ZNF260: variants seen among roughly 807,000 people sequenced by gnomAD.
ZNF260 encodes zinc finger protein 260, also known as zfp-260.
A neutral mutation model predicts 29.3 loss-of-function variants in ZNF260; 21 were observed. The observed-to-expected ratio is 0.72, with a 90% CI of 0.51 to 1.03. ZNF260 has a LOEUF of 1.03. Among genes scored for constraint, ZNF260 ranks in the 50% least tolerant of loss-of-function variants. The probability of loss-of-function intolerance (pLI) is 0.00; values close to 1 mark genes in which losing one functional copy is unlikely to be tolerated. For missense variants in ZNF260, 465 were observed against 487.8 expected (o/e 0.95, Z 0.44); for synonymous variants, 156 against 156.8 (o/e 0.99, Z 0.04).
intron 2 of ZNF260, chr19:36,517,924 G>C (rs1437137942): frequency 6.5e-6 from 1 of 153,486 alleles, no homozygotes; most frequent in African/African-American, 2.4e-5. Context: ...TCTGCCTCCC[G>C]GGTGAAGGGA....
intron 2 of ZNF260, chr19:36,518,268 T>C (rs1159236688): frequency 6.6e-6 from 1 of 152,142 alleles, no homozygotes; most frequent in Admixed American, 6.6e-5. Context: ...CCCGCTTACA[T>C]ACACAAATTA....
chr19:36,514,965 A>G lies in ZNF260; in HGVS notation c.274T>C (p.Phe92Leu), dbSNP rs1214231944. Residue 92 changes from phenylalanine (F) to leucine (L), a missense_variant, in exon 3 of 3, where the codon TTC (phenylalanine) becomes CTC (leucine). Transcript: ENST00000523638. ...AYKCNKCGKAFSQKENFLSHQ... is the reference protein window; with the variant it reads ...AYKCNKCGKALSQKENFLSHQ... ...GAAAGGAAGTTTTCCTTCTGGCTGA[A>G]GGCTTTTCCACATTTATTACATTTA... The G allele has an allele frequency of 1.2e-6, 2 of 1,614,038 alleles. No homozygotes were observed. Among genetic ancestry groups the G allele is most frequent in the East Asian group, 4.5e-5 (2 of 44,866 alleles).
At chr19:36,521,473 C>T (rs1269211840) in intron 2 of ZNF260, among the ~76,000 whole-genome samples, 2 of 152,208 alleles carry the variant, frequency 1.3e-5, no homozygotes, top group African/African-American at 4.8e-5. Context: ...ATTCTCAGGA[C>T]CAGGTGCAGT....
Position 36,514,696 on chromosome 19 carries a change from T to C in ZNF260, c.543A>G (p.Lys181=), listed in dbSNP as rs1280608866. ...TCTTTCCAGTATGGATGTTCTGATG[T>C]TTAATGAGGTATTGCTTCTGGCTGA... ...RAFSQKQYLI[K]HQNIHTGKKP... The change falls in exon 3 of 3, where the codon AAA becomes AAG. Residue 181 remains lysine, a synonymous_variant. Coordinates refer to ENST00000523638, the MANE Select transcript of ZNF260 (RefSeq NM_001166037.2). 6.2e-7 allele frequency: 1 copy of C among 1,614,024 alleles called. No individual in the cohort carries two copies.
chr19:36,525,525 G>A lies in ZNF260; in HGVS notation c.-680-152C>T, dbSNP rs190370171. On this transcript the variant is annotated intron_variant, in intron 1 of 2. Coordinates refer to ENST00000523638, the MANE Select transcript of ZNF260 (RefSeq NM_001166037.2). ...TCAATGGCCGGGCATGGAAGCTCAC[G>A]TCTGTAATCTCAGCACCTTGGGAGG... 3.9e-5 allele frequency among the ~76,000 whole-genome samples: 6 copies of A among 152,280 alleles called. No homozygotes were observed. In the East Asian group the frequency reaches 7.7e-4, roughly 20 times the overall value.
rs1410712199 is a variant in ZNF260, at chr19:36,513,748, T to G, written c.*252A>C. ...CCAGGAACACATTAAGTAGTGTCCA[T>G]GACTAGATCCTAACTTTAATGAGTA... On this transcript the variant is annotated 3_prime_UTR_variant, in exon 3 of 3. Transcript: ENST00000523638. The G allele has an allele frequency of 1.9e-6, 1 of 530,880 alleles. No individual in the cohort carries two copies. The highest frequency in any genetic ancestry group is 3.3e-6 in the Non-Finnish European group (1 of 301,488). 32.9% of individuals were successfully genotyped at this position (530,880 alleles called of 1,614,324 possible).
At chr19:36,522,842 G>A (rs189970157) in intron 2 of ZNF260, among the ~76,000 whole-genome samples, 6 of 152,172 alleles carry the variant, frequency 3.9e-5, no homozygotes, top group Non-Finnish European at 5.9e-5. Flanking sequence ...TTCACCACAT[G>A]AGTGTTATGT....
intron 2 of ZNF260, among the ~76,000 whole-genome samples, chr19:36,520,339 G>A (rs2034622825): frequency 6.6e-6 from 1 of 151,762 alleles, no homozygotes; most frequent in Admixed American, 6.6e-5. Context: ...AAACTTAAAA[G>A]AAGTAAGAGT....
chr19:36,513,947 A>C lies in ZNF260; in HGVS notation c.*53T>G. The C allele has an allele frequency of 6.5e-7, 1 of 1,542,084 alleles. No homozygotes were observed. Among genetic ancestry groups the C allele is most frequent in the South Asian group, 1.2e-5 (1 of 82,762 alleles). ...AAAATGAATTTTCCAATACACTATT[A>C]AGTGTAAAATCTGCTGAACGTTTTG... On this transcript the variant is annotated 3_prime_UTR_variant, in exon 3 of 3. Transcript: ENST00000523638.
chr19:36,517,511 G>A (rs1030391384), intron 2 of ZNF260: 2 of 152,226 alleles, frequency 1.3e-5, no homozygotes, highest in Non-Finnish European at 2.9e-5. Context: ...ACCTTCACAG[G>A]TCTGTAACAC....
At chr19:36,524,534 T>TTTTTTTTTTTTTA (rs1555779912) in intron 2 of ZNF260, among the ~76,000 whole-genome samples, 21 of 126,040 alleles carry the variant, frequency 1.7e-4, no homozygotes, top group African/African-American at 6.1e-4. Flanking sequence ...TTTTTTTTTT[T>TTTTTTTTTTTTTA]ATTGATCATT....
chr19:36,523,229 ACTGG>A (rs1218681870), intron 2 of ZNF260, among the ~76,000 whole-genome samples: 17 of 152,162 alleles, frequency 1.1e-4, no homozygotes, highest in African/African-American at 3.9e-4. Context: ...CTCGTAGCTT[ACTGG>A]CTATTTTGGA....
intron 1 of ZNF260, among the ~76,000 whole-genome samples, chr19:36,526,326 A>G (rs1300869751): frequency 6.6e-6 from 1 of 152,150 alleles, no homozygotes; most frequent in Non-Finnish European, 1.5e-5. Context: ...TGACCACCTG[A>G]GGTCAGGAGT....
chr19:36,513,664 C>T lies in ZNF260; in HGVS notation c.*336G>A. 1 of 414,294 alleles carries T rather than the reference C, an allele frequency of 2.4e-6. No homozygotes were observed. The highest frequency in any genetic ancestry group is 4.3e-6 in the Non-Finnish European group (1 of 233,602). The allele number at this position is 414,294 out of a possible 1,614,324, so 25.7% of individuals were successfully genotyped here. On this transcript the variant is annotated 3_prime_UTR_variant, in exon 3 of 3. Coordinates refer to ENST00000523638, the MANE Select transcript of ZNF260 (RefSeq NM_001166037.2). ...AACATCACAAAAATGATAATTTTGT[C>T]TCTTAATTTCAAATCCTCATACATC... is the stretch of plus-strand genomic sequence containing the variant.
chr19:36,515,077 A>G lies in ZNF260; in HGVS notation c.162T>C (p.Ser54=). 6.2e-7 allele frequency: 1 copy of G among 1,614,128 alleles called. No individual in the cohort carries two copies. The highest frequency in any genetic ancestry group is 1.3e-5 in the African/African-American group (1 of 75,054). Residue 54 remains serine (S), a synonymous_variant, in exon 3 of 3, where the codon TCT becomes TCC. Transcript: ENST00000523638. ...EHKKMHTGEK[S]HECTECGKVC... ...CTTTACCACATTCAGTGCATTCATG[A>G]GATTTCTCTCCAGTATGCATTTTCT... is the stretch of plus-strand genomic sequence containing the variant.
intron 1 of ZNF260, among the ~76,000 whole-genome samples, chr19:36,527,041 T>TA (rs1337618766): frequency 1.3e-5 from 2 of 152,082 alleles, no homozygotes; most frequent in African/African-American, 2.4e-5. Context: ...CCTTTAGACA[T>TA]AAAGAGCTTG....
At position 36,514,797 on chromosome 19, in the gene ZNF260, TG is replaced by T; in HGVS notation, c.441del (p.Ala149HisfsTer175). ...ACKECGKAFN[G>X]KAYLTEHEKI... ...TTCTCATGCTCAGTGAGATATGCTT[TG>T]CCGTTAAAGGCTTTGCCACATTCCT... On this transcript the variant is annotated frameshift_variant, in exon 3 of 3. Coordinates refer to ENST00000523638, the MANE Select transcript of ZNF260 (RefSeq NM_001166037.2). LOFTEE classifies it high-confidence loss of function. The T allele has an allele frequency of 6.2e-7, 1 of 1,613,968 alleles. No homozygotes were observed. Among genetic ancestry groups the T allele is most frequent in the Non-Finnish European group, 8.5e-7 (1 of 1,180,016 alleles).
chr19:36,516,331 C>A (rs1034140501), intron 2 of ZNF260, among the ~76,000 whole-genome samples: 1 of 152,132 alleles, frequency 6.6e-6, no homozygotes, highest in East Asian at 1.9e-4. Context: ...TATGGTGGTT[C>A]ACACCTATAA....
At position 36,514,606 on chromosome 19, in the gene ZNF260, C is replaced by CT. The variant is rs1245125156; in HGVS notation, c.632dup (p.Arg212GlufsTer10). 1 of 1,614,048 alleles carries CT rather than the reference C, an allele frequency of 6.2e-7. No individual in the cohort carries two copies. Among genetic ancestry groups the CT allele is most frequent in the Non-Finnish European group, 8.5e-7 (1 of 1,180,006 alleles). ...AAGGTTTCTCTCCAGTATGGATTCT[C>CT]TGATGTATAATGAGGTTTTCCTTCT... On this transcript the variant is annotated frameshift_variant, in exon 3 of 3. Coordinates refer to ENST00000523638, the MANE Select transcript of ZNF260 (RefSeq NM_001166037.2). LOFTEE classifies it high-confidence loss of function.
Sources: gnomAD v4.1 joint callset for allele counts (sites outside exome capture counted in the v4.1 genomes callset) on GRCh38, gnomAD v4.1.1 for gene constraint, MANE v1.5 for transcripts, NCBI Gene and HGNC (gene_info 2026-07-23, HGNC 2026-07-21) for gene names.